LIMK1: variants seen among roughly 807,000 people sequenced by gnomAD.
The protein encoded by LIMK1 is LIM motif-containing protein kinase.
Under a neutral mutation model 77.6 loss-of-function variants are expected in LIMK1, and 21 were observed. That is an observed-to-expected ratio of 0.27 (90% CI 0.19 to 0.39). The LOEUF (loss-of-function observed/expected upper bound fraction) is 0.39. Among genes scored for constraint, LIMK1 ranks in the 10% least tolerant of loss-of-function variants. LIMK1 has a pLI of 1.00. For synonymous variants in LIMK1, 358 were observed against 370.0 expected, an observed-to-expected ratio of 0.97 and a Z score of 0.37; for missense variants, 696 against 901.6, an observed-to-expected ratio of 0.77 and a Z score of 2.92.
At chr7:74,098,078 T>C (rs1439850543) in intron 4 of LIMK1, among the ~76,000 whole-genome samples, 1 of 152,132 alleles carries the variant, frequency 6.6e-6, no homozygotes, top group Non-Finnish European at 1.5e-5. Flanking sequence ...GAGTTTTTAT[T>C]GGGATTTCAT....
chr7:74,099,373 T>G (rs1167117115), intron 5 of LIMK1, 135 bp downstream of exon 5: 8 of 806,530 alleles, frequency 9.9e-6, no homozygotes, highest in Non-Finnish European at 1.6e-5. Context: ...TCTGACAACC[T>G]GGTTTGCCAG....
At chr7:74,120,460 C>T (rs1282992574) in intron 13 of LIMK1, 123 bp from the exon 14 acceptor site, 2 of 981,078 alleles carry the variant, frequency 2.0e-6, no homozygotes, top group African/African-American at 1.6e-5. Context: ...AGGTTGCCGG[C>T]ATCTGCCTCC....
chr7:74,089,208 G>A (rs1041174931), intron 2 of LIMK1, among the ~76,000 whole-genome samples: 11 of 152,160 alleles, frequency 7.2e-5, no homozygotes, highest in African/African-American at 2.2e-4. Context: ...ACTCCACATC[G>A]CCACAGAGTA....
chr7:74,108,608 G>A (rs1247449583), intron 9 of LIMK1, among the ~76,000 whole-genome samples: 57 of 149,632 alleles, frequency 3.8e-4, no homozygotes, highest in African/African-American at 1.2e-3. Context: ...AGATCGTGCC[G>A]CTGCCCTCCA....
At chr7:74,117,400 T>G (rs1250603223) in intron 13 of LIMK1, among the ~76,000 whole-genome samples, 1 of 151,964 alleles carries the variant, frequency 6.6e-6, no homozygotes, top group Non-Finnish European at 1.5e-5. Context: ...GACCCTCAAC[T>G]TAATCCCATC....
At chr7:74,101,933 A>G (rs558451997) in intron 5 of LIMK1, among the ~76,000 whole-genome samples, 1 of 151,842 alleles carries the variant, frequency 6.6e-6, no homozygotes, top group South Asian at 2.1e-4. Flanking sequence ...CAAGCAATCC[A>G]CTCACCTCGG....
intron 2 of LIMK1, chr7:74,093,274 AGACGCCGCTTCCTCCAGAG>A: frequency 6.5e-7 from 1 of 1,535,996 alleles, no homozygotes; most frequent in Non-Finnish European, 8.7e-7. Context: ...AGCCCCAAGA[AGACGCCGCTTCCTCCAGAG>A]GGCTAAGTAA....
At position 74,111,718 on chromosome 7, in the gene LIMK1, C is replaced by T. The variant is rs782280402; in HGVS notation, c.1344+11C>T. The T allele has an allele frequency of 2.2e-5, 36 of 1,611,036 alleles. No individual in the cohort carries two copies. Among genetic ancestry groups the T allele is most frequent in the Admixed American group, 6.7e-5 (4 of 59,644 alleles). Reference sequence around the variant, plus strand: ...ATCGCATCAGGGATGGTGAGTGAGCCGGGTGCTCTAGCTCCATTCATAATC... The same window carrying T: ...ATCGCATCAGGGATGGTGAGTGAGCTGGGTGCTCTAGCTCCATTCATAATC... On this transcript the variant is annotated intron_variant, in intron 11 of 15. Transcript: ENST00000336180.
intron 5 of LIMK1, among the ~76,000 whole-genome samples, chr7:74,100,650 C>T (rs1373147038): frequency 7.9e-5 from 12 of 152,216 alleles, no homozygotes; most frequent in African/African-American, 2.6e-4. Flanking sequence ...CTCCTGGGCT[C>T]AAGTGATCCT....
rs1554698668 is a variant in LIMK1 at position 74,111,721 on chromosome 7, G to C, written c.1344+14G>C. ...GCATCAGGGATGGTGAGTGAGCCGG[G>C]TGCTCTAGCTCCATTCATAATCCCA... On this transcript the variant is annotated intron_variant, in intron 11 of 15. Transcript: ENST00000336180. 4 of 1,610,678 alleles carry C rather than the reference G, an allele frequency of 2.5e-6. No homozygotes were observed. Among genetic ancestry groups the C allele is most frequent in the Admixed American group, 1.7e-5 (1 of 59,624 alleles).
At position 74,107,037 on chromosome 7, in the gene LIMK1, G is replaced by C; in HGVS notation, c.909G>C (p.Pro303=). Residue 303 remains proline, a synonymous_variant, in exon 8 of 16, where the codon CCG becomes CCC. Coordinates refer to ENST00000336180, the MANE Select transcript of LIMK1 (RefSeq NM_002314.4). ...VLRSCSIDRS[P]GAGSLGSPAS... is the part of the protein sequence containing the mutation. The stretch of plus-strand genomic sequence containing the variant: ...GGAGCTGCAGCATCGACAGGTCTCC[G>C]GGCGCTGGCTCACTGGGCTCCCCGG... 1.3e-6 allele frequency: 2 copies of C among 1,599,370 alleles called. No homozygotes were observed. Among genetic ancestry groups the C allele is most frequent in the Non-Finnish European group, 1.7e-6 (2 of 1,174,510 alleles).
At chr7:74,094,733 G>GC in intron 2 of LIMK1, among the ~76,000 whole-genome samples, 1 of 149,942 alleles carries the variant, frequency 6.7e-6, no homozygotes, top group Non-Finnish European at 1.5e-5. Flanking sequence ...TCCGTCCTCC[G>GC]CCCCACCCCC....
chr7:74,108,680 A>G (rs969956978), intron 9 of LIMK1, among the ~76,000 whole-genome samples: 3 of 151,550 alleles, frequency 2.0e-5, no homozygotes, highest in Admixed American at 1.3e-4. Flanking sequence ...AAAAGAAAGT[A>G]ACTGCAGGCA....
rs1194571043 is a variant in LIMK1, at chr7:74,121,372, G to A, written c.*71G>A. 50 of 1,416,170 alleles carry A rather than the reference G, an allele frequency of 3.5e-5. No individual in the cohort carries two copies. Among genetic ancestry groups the A allele is most frequent in the Non-Finnish European group, 4.5e-5 (48 of 1,063,606 alleles). 87.7% of individuals were successfully genotyped at this position (1,416,170 alleles called of 1,614,324 possible). A position where few individuals can be genotyped will look rare whatever the true frequency, so the allele number is the denominator to read the frequency against. On this transcript the variant is annotated 3_prime_UTR_variant, in exon 16 of 16. Coordinates refer to ENST00000336180, the MANE Select transcript of LIMK1 (RefSeq NM_002314.4). The stretch of plus-strand genomic sequence containing the variant: ...CCCCCACCAGATTCCTCCGCGGGAG[G>A]TGGCCCTCAGCTGGGACAGTGGGGA...
chr7:74,105,790 C>A, intron 5 of LIMK1, 85 bp from the exon 6 acceptor site: 1 of 888,842 alleles, frequency 1.1e-6, no homozygotes, highest in Non-Finnish European at 1.8e-6. Context: ...CCTGCTCACC[C>A]TGGATCTGGT....
chr7:74,109,815 T>TC (rs1799658924), intron 10 of LIMK1: 1 of 152,258 alleles, frequency 6.6e-6, no homozygotes, highest in East Asian at 1.9e-4. Flanking sequence ...CACTGCACTC[T>TC]AGCCTGGGTG....
At chr7:74,100,218 T>A (rs1799427086) in intron 5 of LIMK1, among the ~76,000 whole-genome samples, 2 of 152,022 alleles carry the variant, frequency 1.3e-5, no homozygotes, top group Admixed American at 6.6e-5. Flanking sequence ...GGCTGGGCAA[T>A]GGAGCAAAAC....
chr7:74,099,263 G>C, intron 5 of LIMK1, 25 bp downstream of exon 5: 1 of 1,597,932 alleles, frequency 6.3e-7, no homozygotes, highest in African/African-American at 1.3e-5. Flanking sequence ...TGCCGAGGCT[G>C]CCGTCGGTGT....
chr7:74,097,169 G>A lies in LIMK1; in HGVS notation c.381G>A (p.Val127=), dbSNP rs1554695789. 1.2e-6 allele frequency: 2 copies of A among 1,611,658 alleles called. No individual in the cohort carries two copies. Among genetic ancestry groups the A allele is most frequent in the Non-Finnish European group, 1.7e-6 (2 of 1,179,202 alleles). ...GTGACGGGGACACCTACACGCTGGT[G>A]GAGCACTCCAAGCTGTACTGGTGAG... ...FIGDGDTYTL[V]EHSKLYCGHC... is the part of the protein sequence containing the mutation. The change falls in exon 4 of 16, where the codon GTG becomes GTA. Residue 127 remains valine, a synonymous_variant. Coordinates refer to ENST00000336180, the MANE Select transcript of LIMK1 (RefSeq NM_002314.4).
Sources: gnomAD v4.1 joint callset for allele counts (sites outside exome capture counted in the v4.1 genomes callset) on GRCh38, gnomAD v4.1.1 for gene constraint, MANE v1.5 for transcripts, NCBI Gene and HGNC (gene_info 2026-07-23, HGNC 2026-07-21) for gene names.